NPAS3: variants seen among roughly 807,000 people sequenced by gnomAD.
NPAS3 encodes the protein neuronal PAS domain-containing protein 3.
NPAS3 carries 14 observed loss-of-function variants against 73.1 expected under a neutral mutation model. That is an observed-to-expected ratio of 0.19 (90% CI 0.13 to 0.30). NPAS3 has a LOEUF of 0.30. NPAS3 is among the 10% of genes least tolerant of loss of function. The pLI, the probability that NPAS3 is intolerant of heterozygous loss-of-function variation, is 1.00. For missense variants in NPAS3, 1,096 were observed against 1,250.0 expected, an observed-to-expected ratio of 0.88 and a Z score of 1.86; for synonymous variants, 620 against 541.5, an observed-to-expected ratio of 1.14 and a Z score of -2.01.
At chr14:33,379,424 T>TA (rs2046444507) in intron 4 of NPAS3, among the ~76,000 whole-genome samples, 1 of 152,226 alleles carries the variant, frequency 6.6e-6, no homozygotes, top group Admixed American at 6.5e-5. Flanking sequence ...TGTAGGTTTT[T>TA]ATACCTCTCT....
chr14:33,073,580 G>T (rs1396760950), intron 2 of NPAS3, among the ~76,000 whole-genome samples: 1 of 152,168 alleles, frequency 6.6e-6, no homozygotes, highest in African/African-American at 2.4e-5. Flanking sequence ...TTCTTGGAAA[G>T]TTGGAACTTA....
chr14:33,495,275 A>G (rs1045362934), intron 4 of NPAS3, among the ~76,000 whole-genome samples: 2 of 152,072 alleles, frequency 1.3e-5, no homozygotes, highest in Non-Finnish European at 2.9e-5. Flanking sequence ...TTTTCCGTGT[A>G]GTTGTGCGGT....
chr14:33,558,775 A>G (rs1181917784), intron 4 of NPAS3, among the ~76,000 whole-genome samples: 1 of 151,094 alleles, frequency 6.6e-6, no homozygotes, highest in East Asian at 1.9e-4. Context: ...TATTTTACAA[A>G]TTTTGTCATT....
At chr14:33,457,822 G>T (rs947811486) in intron 4 of NPAS3, among the ~76,000 whole-genome samples, 1 of 152,102 alleles carries the variant, frequency 6.6e-6, no homozygotes, top group South Asian at 2.1e-4. Flanking sequence ...CTCATCAGCC[G>T]ATGTCTCCTT....
At chr14:33,223,433 C>T (rs1382438560) in intron 3 of NPAS3, among the ~76,000 whole-genome samples, 1 of 152,132 alleles carries the variant, frequency 6.6e-6, no homozygotes, top group Admixed American at 6.5e-5. Context: ...AGTCCTTTGC[C>T]TTGGAGATAT....
chr14:33,473,650 C>A (rs2050889756), intron 4 of NPAS3, among the ~76,000 whole-genome samples: 1 of 152,128 alleles, frequency 6.6e-6, no homozygotes, highest in African/African-American at 2.4e-5. Context: ...GCAATGTGTT[C>A]TTCTTGCATT....
intron 4 of NPAS3, among the ~76,000 whole-genome samples, chr14:33,469,670 A>G (rs970264188): frequency 6.6e-6 from 1 of 152,160 alleles, no homozygotes; most frequent in African/African-American, 2.4e-5. Flanking sequence ...AATTTTTAAG[A>G]CAGGCTGTTG....
intron 4 of NPAS3, among the ~76,000 whole-genome samples, chr14:33,550,048 A>T (rs571955407): frequency 6.6e-6 from 1 of 152,290 alleles, no homozygotes; most frequent in South Asian, 2.1e-4. Flanking sequence ...CTTCTTTACT[A>T]AATCATTCCA....
At chr14:33,044,252 G>A (rs976260664) in intron 1 of NPAS3, among the ~76,000 whole-genome samples, 12 of 152,078 alleles carry the variant, frequency 7.9e-5, no homozygotes, top group African/African-American at 2.2e-4. Context: ...GCTGATTGGG[G>A]GTAATTTATT....
At chr14:33,554,280 C>T (rs745791845) in intron 4 of NPAS3, among the ~76,000 whole-genome samples, 7 of 152,152 alleles carry the variant, frequency 4.6e-5, no homozygotes, top group East Asian at 1.9e-4. Context: ...CAGGCTCTGC[C>T]GTTGTCCTAA....
At chr14:33,260,565 G>A (rs1305707008) in intron 3 of NPAS3, among the ~76,000 whole-genome samples, 1 of 152,128 alleles carries the variant, frequency 6.6e-6, no homozygotes, top group Non-Finnish European at 1.5e-5. Flanking sequence ...ACCTGGGCTT[G>A]AAATTTGAGA....
At chr14:33,079,983 A>C (rs2041814061) in intron 2 of NPAS3, among the ~76,000 whole-genome samples, 1 of 152,130 alleles carries the variant, frequency 6.6e-6, no homozygotes, top group Admixed American at 6.5e-5. Flanking sequence ...TTGGGCAATA[A>C]AGGTTTATAA....
At chr14:33,549,009 G>A (rs555889747) in intron 4 of NPAS3, among the ~76,000 whole-genome samples, 6 of 152,256 alleles carry the variant, frequency 3.9e-5, no homozygotes, top group African/African-American at 1.4e-4. Flanking sequence ...AATTACAGGA[G>A]CATATGTGAA....
At chr14:33,784,750 T>TTTA (rs1555333515) in intron 9 of NPAS3, among the ~76,000 whole-genome samples, 2 of 123,058 alleles carry the variant, frequency 1.6e-5, no homozygotes, top group African/African-American at 3.4e-5. Context: ...TATTTATTTT[T>TTTA]TTTTTTTTTT....
chr14:33,483,031 G>A (rs1019827142), intron 4 of NPAS3, among the ~76,000 whole-genome samples: 4 of 152,142 alleles, frequency 2.6e-5, no homozygotes, highest in African/African-American at 7.2e-5. Context: ...TGTGATCCAG[G>A]TGGGGAAAGC....
intron 9 of NPAS3, among the ~76,000 whole-genome samples, chr14:33,781,563 G>A (rs955795000): frequency 1.5e-4 from 23 of 152,314 alleles, no homozygotes; most frequent in Middle Eastern, 6.8e-3. Flanking sequence ...AGGTCATGGC[G>A]ACATAGAATC....
rs1239275918 is a variant in NPAS3 at position 33,800,083 on chromosome 14, G to A, written c.1776G>A (p.Gln592=). The A allele has an allele frequency of 1.3e-6, 2 of 1,595,300 alleles. No homozygotes were observed. Among genetic ancestry groups the A allele is most frequent in the East Asian group, 2.3e-5 (1 of 44,406 alleles). Residue 592 remains glutamine (Q), a synonymous_variant, in exon 12 of 12, where the codon CAG becomes CAA. Transcript: ENST00000356141. This position sits in a 1 kb window ranked among gnomAD's most constrained non-coding sequence, Gnocchi z 6.5. Reference sequence around the variant, plus strand: ...ACAGCGCAGGCGAGGCGGGCGCGCAGGCCTCCAGCAAGCACCAGAAGCGCA... The same window carrying A: ...ACAGCGCAGGCGAGGCGGGCGCGCAAGCCTCCAGCAAGCACCAGAAGCGCA...
intron 5 of NPAS3, among the ~76,000 whole-genome samples, chr14:33,605,074 T>G (rs1209871979): frequency 1.3e-5 from 2 of 151,714 alleles, no homozygotes; most frequent in African/African-American, 2.4e-5. Context: ...TAGAAATAAT[T>G]AAGATTAAAG....
intron 4 of NPAS3, among the ~76,000 whole-genome samples, chr14:33,482,861 A>T (rs1675166618): frequency 6.6e-6 from 1 of 152,094 alleles, no homozygotes. Context: ...TTTCTTTCTC[A>T]GTTGGAACTA....
Sources: gnomAD v4.1 joint callset for allele counts (sites outside exome capture counted in the v4.1 genomes callset) on GRCh38, gnomAD v4.1.1 for gene constraint, Gnocchi (gnomAD v3.1) non-coding constraint, MANE v1.5 for transcripts, NCBI Gene and HGNC (gene_info 2026-07-23, HGNC 2026-07-21) for gene names.